The following DDX60 variants were observed in gnomAD, a reference collection of about 807,000 sequenced individuals.
DDX60 encodes DExD/H-box helicase 60.
A neutral mutation model predicts 212.8 loss-of-function variants in DDX60; 165 were observed. That is an observed-to-expected ratio of 0.78 (90% CI 0.68 to 0.88). The LOEUF is 0.88. Among genes scored for constraint, DDX60 ranks in the 40% least tolerant of loss-of-function variants. The probability of loss-of-function intolerance (pLI) is 0.00; values close to 1 mark genes in which losing one functional copy is unlikely to be tolerated. For missense variants in DDX60, 1,905 were observed against 2,003.9 expected, an observed-to-expected ratio of 0.95 and a Z score of 0.94; for synonymous variants, 703 against 685.3, an observed-to-expected ratio of 1.03 and a Z score of -0.40.
intron 26 of DDX60, 119 bp downstream of exon 26, chr4:168,255,592 A>G: frequency 1.2e-6 from 1 of 830,122 alleles, no homozygotes; most frequent in South Asian, 2.3e-5. Flanking sequence ...CTCAATTTAG[A>G]AATAAGTCCA....
chr4:168,295,843 C>T (rs948971960), intron 6 of DDX60, among the ~76,000 whole-genome samples: 1 of 152,064 alleles, frequency 6.6e-6, no homozygotes, highest in Admixed American at 6.5e-5. Flanking sequence ...GGGGGGAAAT[C>T]CTGTCATTTT....
intron 13 of DDX60, 77 bp from the exon 14 acceptor site, chr4:168,280,667 T>C (rs1735554748): frequency 1.4e-6 from 2 of 1,459,854 alleles, no homozygotes; most frequent in Non-Finnish European, 1.8e-6. Context: ...GAGACAATAT[T>C]ATGGGTGTAT....
chr4:168,247,986 T>C (rs1665089357), intron 29 of DDX60, among the ~76,000 whole-genome samples: 1 of 152,152 alleles, frequency 6.6e-6, no homozygotes, highest in South Asian at 2.1e-4. Context: ...TCATCCGAGG[T>C]CACACATCTG....
chr4:168,308,043 A>G lies in DDX60; in HGVS notation c.227T>C (p.Ile76Thr). 1 of 1,605,062 alleles carries G rather than the reference A, an allele frequency of 6.2e-7. No homozygotes were observed. Among genetic ancestry groups the G allele is most frequent in the Non-Finnish European group, 8.5e-7 (1 of 1,178,330 alleles). Reference sequence around the variant, plus strand: ...TATGGTGAATTGTCCTCCTTTGCTAATAAGATCCACAAGATAGCGTTCAAC... The same window carrying G: ...TATGGTGAATTGTCCTCCTTTGCTAGTAAGATCCACAAGATAGCGTTCAAC... ...YLVERYLVDL[I>T]SKGGQFTIVF... Residue 76 changes from isoleucine (I) to threonine (T), a missense_variant, in exon 4 of 38, where the codon ATT becomes ACT. Physicochemically the swap from Ile to Thr is moderately conservative, Grantham distance 89. Transcript: ENST00000393743.
intron 30 of DDX60, among the ~76,000 whole-genome samples, chr4:168,242,827 G>C (rs1287131483): frequency 6.6e-6 from 1 of 152,096 alleles, no homozygotes. Context: ...TGAGATTTGG[G>C]AGGGACCAGG....
At chr4:168,261,024 G>C in intron 24 of DDX60, 35 bp from the exon 25 acceptor site, 2 of 1,569,616 alleles carry the variant, frequency 1.3e-6, no homozygotes, top group Non-Finnish European at 1.7e-6. Flanking sequence ...TTTAAGTTCT[G>C]CATGAGAAAG....
intron 30 of DDX60, among the ~76,000 whole-genome samples, chr4:168,241,267 C>G (rs1042811397): frequency 2.6e-5 from 4 of 151,928 alleles, no homozygotes; most frequent in African/African-American, 9.7e-5. Flanking sequence ...CAGACTAATA[C>G]AGTAAGTTGG....
Position 168,288,263 on chromosome 4 carries a change from C to A in DDX60, c.1094G>T (p.Trp365Leu). Residue 365 changes from tryptophan (W) to leucine (L), a missense_variant, in exon 9 of 38, where the codon TGG becomes TTG. Transcript: ENST00000393743. ...AGAAAGGTGAATTAAATTCAGATTC[C>A]AAAATTCAAAAGTATGTATATTTCT... ...ILRNIHTFEF[W>L]NLNLIHLSDL... The A allele has an allele frequency of 6.7e-7, 1 of 1,499,134 alleles. No homozygotes were observed. Among genetic ancestry groups the A allele is most frequent in the East Asian group, 2.3e-5 (1 of 42,772 alleles). The allele number at this position is 1,499,134 out of a possible 1,614,324, so 92.9% of individuals were successfully genotyped here.
At chr4:168,222,215 C>T (rs983292799) in intron 35 of DDX60, among the ~76,000 whole-genome samples, 1 of 152,044 alleles carries the variant, frequency 6.6e-6, no homozygotes, top group Non-Finnish European at 1.5e-5. Context: ...TACTTGTAAA[C>T]AGAATATTAA....
intron 31 of DDX60, 126 bp from the exon 32 acceptor site, chr4:168,237,553 A>G (rs1274857120): frequency 1.8e-5 from 21 of 1,164,938 alleles, no homozygotes; most frequent in Non-Finnish European, 2.5e-5. Flanking sequence ...TACTGGGCCC[A>G]ACTTTTATAA....
chr4:168,234,305 C>G (rs924887057), intron 33 of DDX60, among the ~76,000 whole-genome samples: 1 of 151,922 alleles, frequency 6.6e-6, no homozygotes, highest in Non-Finnish European at 1.5e-5. Context: ...AGCCATTTTT[C>G]TCCACCATTT....
In DDX60 at chr4:168,311,291, TG is replaced by T. The variant is rs1410194664; in HGVS notation, c.-33del. The stretch of plus-strand genomic sequence containing the variant: ...TGCTGCCTGTGCCTCCAACCTGAAC[TG>T]GCAAGTATTAAAGGTAGCAAATACC... On this transcript the variant is annotated 5_prime_UTR_variant, in exon 2 of 38. Coordinates refer to ENST00000393743, the MANE Select transcript of DDX60 (RefSeq NM_017631.6). 1.9e-6 allele frequency: 3 copies of T among 1,612,198 alleles called. No individual in the cohort carries two copies. The East Asian group carries it at 6.7e-5, about 36-fold the overall frequency.
intron 11 of DDX60, 52 bp from the exon 12 acceptor site, chr4:168,284,987 C>A (rs373328512): frequency 3.0e-5 from 26 of 867,044 alleles, no homozygotes; most frequent in Non-Finnish European, 4.2e-5. Flanking sequence ...AAATATAACA[C>A]AGCACAGATT....
Position 168,285,470 on chromosome 4 carries a change from C to G in DDX60, c.1368G>C (p.Leu456Phe), listed in dbSNP as rs1362960373. ...CAAAAGATGACGTTGGAATAAAACC[C>G]AAATTGGGCACCATTTCATTGGAGC... ...KDSSNEMVPNLGFIPTSSFVV... is the reference protein window; with the variant it reads ...KDSSNEMVPNFGFIPTSSFVV... The change falls in exon 11 of 38, where the codon TTG becomes TTC. Residue 456 changes from leucine to phenylalanine, a missense_variant. Physicochemically the swap from Leu to Phe is conservative, Grantham distance 22. Coordinates refer to ENST00000393743, the MANE Select transcript of DDX60 (RefSeq NM_017631.6). 6.2e-7 allele frequency: 1 copy of G among 1,609,226 alleles called. No individual in the cohort carries two copies.
In DDX60 at chr4:168,217,034, T is replaced by C; in HGVS notation, c.5040-2A>G. The C allele has an allele frequency of 6.3e-7, 1 of 1,597,092 alleles. No homozygotes were observed. Among genetic ancestry groups the C allele is most frequent in the Non-Finnish European group, 8.5e-7 (1 of 1,171,670 alleles). ...TCACATAGCTCACGCAAGGAAACAC[T>C]GGAAATGGGGAAAAAAATATAGGAT... On this transcript the variant is annotated splice_acceptor_variant, in intron 37 of 37. Transcript: ENST00000393743. LOFTEE classifies it high-confidence loss of function.
In DDX60 at chr4:168,233,438, A is replaced by T. The variant is rs144050450; in HGVS notation, c.4533+2814T>A. Among the ~76,000 whole-genome samples, 1,342 of 152,186 alleles carry T rather than the reference A, an allele frequency of 8.8e-3. 28 individuals are homozygous for T. Among genetic ancestry groups the T allele is most frequent in the African/African-American group, 0.031 (1,275 of 41,538 alleles). On this transcript the variant is annotated intron_variant, in intron 33 of 37. Coordinates refer to ENST00000393743, the MANE Select transcript of DDX60 (RefSeq NM_017631.6). ...GTTTACAGCAGCACAATTTGCAATT[A>T]CAAAAATATGGAACCAGCCTAAATG...
At chr4:168,245,334 G>T (rs534938329) in intron 30 of DDX60, among the ~76,000 whole-genome samples, 1 of 152,076 alleles carries the variant, frequency 6.6e-6, no homozygotes, top group Non-Finnish European at 1.5e-5. Flanking sequence ...ATGCCAGAAG[G>T]CAACGGAAAC....
rs1735603577 is a variant in DDX60 at position 168,281,737 on chromosome 4, C to A, written c.1723-1147G>T. Among the ~76,000 whole-genome samples the A allele has an allele frequency of 1.3e-5, 2 of 152,096 alleles. 1 individual carries two copies. ...CATTTTCCACACTTCTGGTTAGTCA[C>A]GAAATTAATATGTAAATGCCTGCCT... On this transcript the variant is annotated intron_variant, in intron 13 of 37. Transcript: ENST00000393743.
chr4:168,275,286 C>T, intron 16 of DDX60, 59 bp downstream of exon 16: 10 of 1,429,324 alleles, frequency 7.0e-6, no homozygotes, highest in Non-Finnish European at 9.4e-6. Context: ...TAATGAGAAA[C>T]CTCTGAGATC....
Sources: allele counts gnomAD v4.1 joint callset (sites outside exome capture counted in the v4.1 genomes callset), GRCh38; gene constraint gnomAD v4.1.1; transcripts MANE v1.5; gene names NCBI Gene and HGNC (gene_info 2026-07-23, HGNC 2026-07-21).